The following GRM8 variants were observed in gnomAD, a reference collection of about 807,000 sequenced individuals.
The protein encoded by GRM8 is metabotropic glutamate receptor 8.
A neutral mutation model predicts 87.2 loss-of-function variants in GRM8; 47 were observed. That is an observed-to-expected ratio of 0.54 (90% CI 0.43 to 0.69). GRM8 has a LOEUF of 0.69. Ranked by LOEUF, GRM8 falls within the 30% of genes least tolerant of loss-of-function variation. The pLI is 0.00. For synonymous variants in GRM8, 396 were observed against 404.5 expected (o/e 0.98, Z 0.25); for missense variants, 1,019 against 1,139.2 (o/e 0.89, Z 1.52).
At chr7:127,217,387 G>A (rs576725413) in intron 2 of GRM8, among the ~76,000 whole-genome samples, 4 of 152,282 alleles carry the variant, frequency 2.6e-5, no homozygotes, top group South Asian at 2.1e-4. Context: ...CAGGCATGGT[G>A]GAAAAAAGCA....
intron 7 of GRM8, among the ~76,000 whole-genome samples, chr7:126,632,201 T>C (rs6974396): frequency 0.31 from 46,832 of 151,804 alleles, 8,085 homozygotes; most frequent in East Asian, 0.43. Flanking sequence ...AACAAACAAG[T>C]CCATTAATAA....
intron 3 of GRM8, among the ~76,000 whole-genome samples, chr7:127,081,653 G>A (rs1822879462): frequency 6.6e-6 from 1 of 152,168 alleles, no homozygotes; most frequent in Non-Finnish European, 1.5e-5. Flanking sequence ...AAAAGGGAGA[G>A]CAAATGAATA....
chr7:126,773,967 T>C (rs757131880), intron 6 of GRM8, among the ~76,000 whole-genome samples: 2 of 152,202 alleles, frequency 1.3e-5, no homozygotes, highest in Non-Finnish European at 2.9e-5. Flanking sequence ...AGTTATAAAC[T>C]CCAATTATTT....
At chr7:127,190,795 A>T (rs751690097) in intron 2 of GRM8, among the ~76,000 whole-genome samples, 10 of 151,792 alleles carry the variant, frequency 6.6e-5, no homozygotes, top group Non-Finnish European at 1.5e-4. Flanking sequence ...TCTAGCTCAG[A>T]CATTATTTTT....
chr7:126,500,788 A>G (rs1304492810), intron 9 of GRM8, among the ~76,000 whole-genome samples: 1 of 152,000 alleles, frequency 6.6e-6, no homozygotes. Flanking sequence ...ATAGCTTTTA[A>G]TGCATTATGA....
At chr7:127,044,888 A>G (rs1279205032) in intron 3 of GRM8, among the ~76,000 whole-genome samples, 1 of 152,220 alleles carries the variant, frequency 6.6e-6, no homozygotes, top group Non-Finnish European at 1.5e-5. Flanking sequence ...AGCAAAACCT[A>G]CATATCCACC....
intron 3 of GRM8, among the ~76,000 whole-genome samples, chr7:126,932,519 T>C (rs775639604): frequency 6.6e-6 from 1 of 152,122 alleles, no homozygotes; most frequent in Non-Finnish European, 1.5e-5. Flanking sequence ...CTGAGAAAAA[T>C]TATTTTATAA....
intron 3 of GRM8, among the ~76,000 whole-genome samples, chr7:126,959,518 A>G (rs537267360): frequency 7.9e-5 from 12 of 152,202 alleles, no homozygotes; most frequent in Non-Finnish European, 1.8e-4. Context: ...AGCTTGAACA[A>G]TGGAAATGGG....
At chr7:126,832,760 C>A (rs758184400) in intron 6 of GRM8, among the ~76,000 whole-genome samples, 8 of 152,120 alleles carry the variant, frequency 5.3e-5, no homozygotes, top group Non-Finnish European at 1.0e-4. Flanking sequence ...ATAAAACATT[C>A]TTCTATTAGT....
intron 3 of GRM8, among the ~76,000 whole-genome samples, chr7:126,994,715 A>G (rs1813010677): frequency 6.6e-6 from 1 of 152,160 alleles, no homozygotes; most frequent in Non-Finnish European, 1.5e-5. Flanking sequence ...GTACCAGCTT[A>G]GCCACAATGC....
At chr7:126,748,610 T>C (rs962343912) in intron 7 of GRM8, among the ~76,000 whole-genome samples, 5 of 150,382 alleles carry the variant, frequency 3.3e-5, no homozygotes, top group African/African-American at 9.7e-5. Context: ...GGGTTTTTTT[T>C]TTTTTTTTTT....
At chr7:127,075,093 G>T (rs970182523) in intron 3 of GRM8, among the ~76,000 whole-genome samples, 3 of 152,130 alleles carry the variant, frequency 2.0e-5, no homozygotes, top group Admixed American at 6.5e-5. Flanking sequence ...TTGTATAAAG[G>T]CTTATTTTAT....
At chr7:126,718,389 G>C (rs4728051) in intron 7 of GRM8, among the ~76,000 whole-genome samples, 36,150 of 151,988 alleles carry the variant, frequency 0.24, 4,592 homozygotes, top group East Asian at 0.35. Flanking sequence ...TCAAGCTCTA[G>C]GGTGGGGGTA....
intron 3 of GRM8, among the ~76,000 whole-genome samples, chr7:127,017,940 T>C (rs1259646176): frequency 6.6e-6 from 1 of 152,032 alleles, no homozygotes; most frequent in African/African-American, 2.4e-5. Flanking sequence ...CAACAAAATA[T>C]ATTCATTATT....
At chr7:126,888,690 C>T (rs1800719666) in intron 6 of GRM8, among the ~76,000 whole-genome samples, 2 of 152,090 alleles carry the variant, frequency 1.3e-5, no homozygotes, top group South Asian at 4.1e-4. Flanking sequence ...CATCCAACAG[C>T]TTAGCTAGCA....
chr7:127,156,015 G>A (rs1792707578), intron 2 of GRM8, among the ~76,000 whole-genome samples: 1 of 152,166 alleles, frequency 6.6e-6, no homozygotes. Context: ...GTTGTAAGAT[G>A]TGGCTAATTC....
At chr7:126,653,550 T>C (rs1355222068) in intron 7 of GRM8, among the ~76,000 whole-genome samples, 1 of 152,220 alleles carries the variant, frequency 6.6e-6, no homozygotes, top group Non-Finnish European at 1.5e-5. Context: ...AGAATTAGTT[T>C]CTGAAAGCAC....
rs1235134676 is a variant in GRM8, at chr7:127,075,987, T to A, written c.727+30509A>T. The A allele has an allele frequency of 1.1e-5, 4 of 360,890 alleles. No homozygotes were observed. In the East Asian group the frequency reaches 2.9e-4, roughly 26 times the overall value. The allele number at this position is 360,890 out of a possible 1,614,324, so 22.4% of individuals were successfully genotyped here. A position where few individuals can be genotyped will look rare whatever the true frequency, so the allele number is the denominator to read the frequency against. On this transcript the variant is annotated intron_variant, in intron 3 of 10. Transcript: ENST00000339582. ...AGACAGTGCTACAATGTTTAATGAA[T>A]TGAATTGTATGCTGGCCAATATTAG...
intron 7 of GRM8, among the ~76,000 whole-genome samples, chr7:126,764,170 T>C (rs1291144559): frequency 1.3e-5 from 2 of 151,910 alleles, no homozygotes; most frequent in Non-Finnish European, 2.9e-5. Context: ...TCTTTGTCAT[T>C]TTTGTTTCAT....
Sources: gnomAD v4.1 joint callset for allele counts (sites outside exome capture counted in the v4.1 genomes callset) on GRCh38, gnomAD v4.1.1 for gene constraint, MANE v1.5 for transcripts, NCBI Gene and HGNC (gene_info 2026-07-23, HGNC 2026-07-21) for gene names.